CSNK1D: variants seen among roughly 807,000 people sequenced by gnomAD.
CSNK1D encodes the protein casein kinase 1 delta.
In CSNK1D, 16 loss-of-function variants were observed where a neutral mutation model predicts 46.6. That is an observed-to-expected ratio of 0.34 (90% CI 0.23 to 0.52). The LOEUF is 0.52. CSNK1D is among the 20% of genes least tolerant of loss of function. CSNK1D has a pLI of 0.95. For missense variants in CSNK1D, 398 were observed against 578.4 expected, an observed-to-expected ratio of 0.69 and a Z score of 3.20; for synonymous variants, 276 against 228.2, an observed-to-expected ratio of 1.21 and a Z score of -1.89.
At chr17:82,247,486 G>GC in intron 8 of CSNK1D, 3 of 985,500 alleles carry the variant, frequency 3.0e-6, no homozygotes, top group Non-Finnish European at 3.6e-6. Flanking sequence ...GTCTTTGTCA[G>GC]CCAAGCGCTG....
intron 2 of CSNK1D, among the ~76,000 whole-genome samples, chr17:82,260,173 C>T (rs1161443831): frequency 6.9e-6 from 1 of 145,456 alleles, no homozygotes; most frequent in African/African-American, 2.6e-5. Flanking sequence ...ACTGATGTGA[C>T]TGATGGTGTA....
chr17:82,260,092 CTGATA>C (rs1021067708), intron 2 of CSNK1D, among the ~76,000 whole-genome samples: 3 of 139,506 alleles, frequency 2.2e-5, no homozygotes, highest in African/African-American at 8.3e-5. Context: ...GGTGTACTGA[CTGATA>C]TGACTGATGG....
chr17:82,248,996 G>C lies in CSNK1D; in HGVS notation c.1076C>G (p.Pro359Arg). The change falls in exon 8 of 9, where the codon CCC becomes CGC. Residue 359 changes from proline (P) to arginine (R), a missense_variant. Physicochemically the swap from Pro to Arg is moderately radical, Grantham distance 103. Transcript: ENST00000314028. This position sits in a 1 kb window ranked among gnomAD's most constrained non-coding sequence, Gnocchi z 4.1. ...TSHTANTSPR[P>R]VSGMERERKV... ...CCGCTCTCTCTCCATGCCGGAGACG[G>C]GCCGGGGGGAGGTGTTAGCTGAGGA... 3 of 1,564,798 alleles carry C rather than the reference G, an allele frequency of 1.9e-6. No individual in the cohort carries two copies. Among genetic ancestry groups the C allele is most frequent in the Non-Finnish European group, 2.6e-6 (3 of 1,153,720 alleles).
Position 82,249,853 on chromosome 17 carries a change from G to A in CSNK1D, c.886-251C>T, listed in dbSNP as rs2050955590. On this transcript the variant is annotated intron_variant, in intron 6 of 8. Transcript: ENST00000314028. The surrounding 1 kb of genome is among the most constrained non-coding windows in gnomAD (Gnocchi z 6.7). ...CCCACTCGCCATGGCATCTCCCTGT[G>A]GGCTCAGAACTTCCTTAAACTTCCA... 1.4e-6 allele frequency: 2 copies of A among 1,422,198 alleles called. No individual in the cohort carries two copies. The highest frequency in any genetic ancestry group is 1.8e-6 in the Non-Finnish European group (2 of 1,091,588). 88.1% of individuals were successfully genotyped at this position (1,422,198 alleles called of 1,614,324 possible). A position where few individuals can be genotyped will look rare whatever the true frequency, so the allele number is the denominator to read the frequency against.
In CSNK1D at chr17:82,253,359, G is replaced by C. The variant is rs142913238; in HGVS notation, c.337-115C>G. 2,958 of 907,982 alleles carry C rather than the reference G, an allele frequency of 3.3e-3. 15 individuals are homozygous for C. The highest frequency in any genetic ancestry group is 4.5e-3 in the Non-Finnish European group (2,418 of 541,000). The allele number at this position is 907,982 out of a possible 1,614,324, so 56.2% of individuals were successfully genotyped here. A position where few individuals can be genotyped will look rare whatever the true frequency, so the allele number is the denominator to read the frequency against. On this transcript the variant is annotated intron_variant, in intron 3 of 8. Transcript: ENST00000314028. Reference sequence around the variant, plus strand: ...TTGTTCCTGCCCCTCAGCCACAGCAGGGTAGTTTAACAATTAGCGAGGGGG... The same window carrying C: ...TTGTTCCTGCCCCTCAGCCACAGCACGGTAGTTTAACAATTAGCGAGGGGG...
Position 82,265,666 on chromosome 17 carries a change from T to A in CSNK1D, c.187+20A>T, listed in dbSNP as rs1460444439. ...GTCAAACAGAACCCTGGTGTTGCTC[T>A]GTGACTGGTAAAGACCTACCTCCTC... On this transcript the variant is annotated intron_variant, in intron 2 of 8. Coordinates refer to ENST00000314028, the MANE Select transcript of CSNK1D (RefSeq NM_001893.6). 1.3e-6 allele frequency: 2 copies of A among 1,574,104 alleles called. No individual in the cohort carries two copies. The highest frequency in any genetic ancestry group is 4.5e-5 in the East Asian group (2 of 44,676).
In CSNK1D at chr17:82,249,828, C is replaced by T; in HGVS notation, c.886-226G>A. 7.0e-7 allele frequency: 1 copy of T among 1,432,202 alleles called. No individual in the cohort carries two copies. The highest frequency in any genetic ancestry group is 9.1e-7 in the Non-Finnish European group (1 of 1,097,970). 88.7% of individuals were successfully genotyped at this position (1,432,202 alleles called of 1,614,324 possible). On this transcript the variant is annotated intron_variant, in intron 6 of 8. Coordinates refer to ENST00000314028, the MANE Select transcript of CSNK1D (RefSeq NM_001893.6). This position sits in a 1 kb window ranked among gnomAD's most constrained non-coding sequence, Gnocchi z 6.7. ...CAGCTCCCCCAACAATCGAAAAAAC[C>T]CCACTCGCCATGGCATCTCCCTGTG...
intron 8 of CSNK1D, chr17:82,246,294 G>C (rs1416547032): frequency 7.2e-7 from 1 of 1,386,054 alleles, no homozygotes; most frequent in African/African-American, 1.5e-5. Context: ...GCCCTCCTGA[G>C]TCTTCTCAAG....
chr17:82,244,729 CAG>C lies in CSNK1D; in HGVS notation c.*50_*51del, dbSNP rs1407047704. ...GTGTCACTAGTAAAGCCATTGGTAACAGAGTAGATCAGCCATGCATTGTCTGC... is the reference window on the plus strand; with the variant it reads ...GTGTCACTAGTAAAGCCATTGGTAACAGTAGATCAGCCATGCATTGTCTGC... On this transcript the variant is annotated 3_prime_UTR_variant, in exon 9 of 9. Transcript: ENST00000314028. The C allele has an allele frequency of 1.3e-5, 21 of 1,613,186 alleles. No individual in the cohort carries two copies. The highest frequency in any genetic ancestry group is 1.7e-5 in the Non-Finnish European group (20 of 1,179,996).
chr17:82,248,132 G>A lies in CSNK1D; in HGVS notation c.1197+743C>T, dbSNP rs934930648. On this transcript the variant is annotated intron_variant, in intron 8 of 8. Coordinates refer to ENST00000314028, the MANE Select transcript of CSNK1D (RefSeq NM_001893.6). The surrounding 1 kb of genome is among the most constrained non-coding windows in gnomAD (Gnocchi z 4.1). ...TGGGCACCCCCCAGGATGCCTGCTG[G>A]TGAAACAGCCCTGCCCCACTAACCC... is the stretch of plus-strand genomic sequence containing the variant. The A allele has an allele frequency of 1.3e-5, 13 of 985,416 alleles. No individual in the cohort carries two copies. The highest frequency in any genetic ancestry group is 1.6e-5 in the Non-Finnish European group (13 of 830,004). The allele number at this position is 985,416 out of a possible 1,614,324, so 61.0% of individuals were successfully genotyped here. A position where few individuals can be genotyped will look rare whatever the true frequency, so the allele number is the denominator to read the frequency against.
At chr17:82,246,154 G>A (rs1021998708) in intron 8 of CSNK1D, 28 of 1,544,628 alleles carry the variant, frequency 1.8e-5, no homozygotes, top group Non-Finnish European at 2.1e-5. Flanking sequence ...AGACCGACAG[G>A]TGCCACCTGG....
At chr17:82,246,114 G>C in intron 8 of CSNK1D, 2 of 1,556,000 alleles carry the variant, frequency 1.3e-6, no homozygotes, top group Non-Finnish European at 1.7e-6. Context: ...TCCATGTCCA[G>C]ATGGGCATCC....
At chr17:82,267,266 C>T (rs2051500358) in intron 1 of CSNK1D, among the ~76,000 whole-genome samples, 1 of 152,164 alleles carries the variant, frequency 6.6e-6, no homozygotes, top group South Asian at 2.1e-4. Flanking sequence ...GGTCTGACGT[C>T]TGTTTCATGA....
chr17:82,260,036 CTGATG>C (rs2051285281), intron 2 of CSNK1D, among the ~76,000 whole-genome samples: 8 of 108,608 alleles, frequency 7.4e-5, no homozygotes, highest in African/African-American at 4.0e-4. Flanking sequence ...GGTGTACTGA[CTGATG>C]TGACTGATGG....
At position 82,249,009 on chromosome 17, in the gene CSNK1D, T is replaced by C; in HGVS notation, c.1063A>G (p.Thr355Ala). The part of the protein sequence containing the change: ...PLTPTSHTAN[T>A]SPRPVSGMER... ...ATGCCGGAGACGGGCCGGGGGGAGG[T>C]GTTAGCTGAGGACAGGGAGAGAAAC... Residue 355 changes from threonine (T) to alanine (A), a missense_variant, in exon 8 of 9, where the codon ACC becomes GCC. Physicochemically the swap from Thr to Ala is moderately conservative, Grantham distance 58. This residue lies in a region of CSNK1D where 181 missense variants were observed against 208.0 expected (regional missense o/e 0.87). Transcript: ENST00000314028. This position sits in a 1 kb window ranked among gnomAD's most constrained non-coding sequence, Gnocchi z 6.7. The C allele has an allele frequency of 6.4e-7, 1 of 1,557,706 alleles. No individual in the cohort carries two copies. The highest frequency in any genetic ancestry group is 8.7e-7 in the Non-Finnish European group (1 of 1,150,456).
chr17:82,248,597 A>G lies in CSNK1D; in HGVS notation c.1197+278T>C, dbSNP rs2147160114. 1 of 1,297,560 alleles carries G rather than the reference A, an allele frequency of 7.7e-7. No individual in the cohort carries two copies. The highest frequency in any genetic ancestry group is 9.9e-7 in the Non-Finnish European group (1 of 1,014,872). The allele number at this position is 1,297,560 out of a possible 1,614,324, so 80.4% of individuals were successfully genotyped here. ...GCTGCGGGCAGCGGGGCACTCAAAC[A>G]GCAGGAGAAAGCCCCCACGGTTTGC... On this transcript the variant is annotated intron_variant, in intron 8 of 8. Transcript: ENST00000314028. This position sits in a 1 kb window ranked among gnomAD's most constrained non-coding sequence, Gnocchi z 4.1.
rs2147149374 is a variant in CSNK1D at position 82,244,554 on chromosome 17, A to T, written c.*227T>A. The T allele has an allele frequency of 1.4e-6, 2 of 1,476,148 alleles. No individual in the cohort carries two copies. The highest frequency in any genetic ancestry group is 5.0e-5 in the East Asian group (2 of 40,002). 91.4% of individuals were successfully genotyped at this position (1,476,148 alleles called of 1,614,324 possible). A position where few individuals can be genotyped will look rare whatever the true frequency, so the allele number is the denominator to read the frequency against. ...CTCTGCTTTTCTTCCCAGCCCCGTT[A>T]CAACCGAGTTCACGTGGGGGGCCGC... is the stretch of plus-strand genomic sequence containing the variant. On this transcript the variant is annotated 3_prime_UTR_variant, in exon 9 of 9. Transcript: ENST00000314028.
At chr17:82,263,631 T>C (rs1487726047) in intron 2 of CSNK1D, among the ~76,000 whole-genome samples, 3 of 152,236 alleles carry the variant, frequency 2.0e-5, no homozygotes, top group African/African-American at 7.2e-5. Context: ...CCAGTGACCA[T>C]CCCGGGCTTC....
intron 8 of CSNK1D, chr17:82,246,798 G>C: frequency 3.0e-6 from 3 of 987,368 alleles, no homozygotes; most frequent in Non-Finnish European, 3.6e-6. Context: ...GGAGCAGAAA[G>C]AACAGGGAAG....
Sources: gnomAD v4.1 joint callset for allele counts (sites outside exome capture counted in the v4.1 genomes callset) on GRCh38, gnomAD v4.1.1 for gene constraint, gnomAD v4.1.1 regional missense constraint, Gnocchi (gnomAD v3.1) non-coding constraint, MANE v1.5 for transcripts, NCBI Gene and HGNC (gene_info 2026-07-23, HGNC 2026-07-21) for gene names.